Variants in NCALD observed in about 807,000 individuals in gnomAD.
NCALD encodes the protein neurocalcin-delta.
A neutral mutation model predicts 18.6 loss-of-function variants in NCALD; 10 were observed. The observed-to-expected ratio is 0.54, with a 90% CI of 0.33 to 0.91. The LOEUF is 0.91. Among genes scored for constraint, NCALD ranks in the 40% least tolerant of loss-of-function variants. The pLI, the probability that NCALD is intolerant of heterozygous loss-of-function variation, is 0.03. For synonymous variants in NCALD, 88 were observed against 87.4 expected, an observed-to-expected ratio of 1.01 and a Z score of -0.04; for missense variants, 184 against 247.6, an observed-to-expected ratio of 0.74 and a Z score of 1.72.
intron 1 of NCALD, among the ~76,000 whole-genome samples, chr8:102,114,722 A>G (rs938025275): frequency 1.3e-5 from 2 of 152,186 alleles, no homozygotes; most frequent in Non-Finnish European, 2.9e-5. Flanking sequence ...ATTTCTGGCC[A>G]AATTATACCA....
At chr8:102,084,251 A>C (rs530649446) in intron 1 of NCALD, among the ~76,000 whole-genome samples, 1 of 152,222 alleles carries the variant, frequency 6.6e-6, no homozygotes, top group African/African-American at 2.4e-5. Context: ...TTCGAATCAC[A>C]CAGCACCAAA....
chr8:101,711,531 T>C (rs1435216460), intron 2 of NCALD, among the ~76,000 whole-genome samples: 3 of 151,894 alleles, frequency 2.0e-5, no homozygotes, highest in Non-Finnish European at 2.9e-5. Flanking sequence ...GATAAAAAGT[T>C]AGAGGAGTTG....
At chr8:102,068,388 CCT>C (rs1369359617) in intron 1 of NCALD, among the ~76,000 whole-genome samples, 49 of 152,214 alleles carry the variant, frequency 3.2e-4, no homozygotes, top group African/African-American at 1.1e-3. Context: ...GCCACTCTGG[CCT>C]CTCTCCTGTT....
intron 1 of NCALD, among the ~76,000 whole-genome samples, chr8:102,067,746 T>A (rs967455967): frequency 1.3e-5 from 2 of 152,090 alleles, no homozygotes; most frequent in Non-Finnish European, 2.9e-5. Context: ...CACCTCACTA[T>A]CCTGCAGCAG....
At chr8:101,994,983 A>G (rs1231532290) in intron 2 of NCALD, among the ~76,000 whole-genome samples, 1 of 152,228 alleles carries the variant, frequency 6.6e-6, no homozygotes, top group African/African-American at 2.4e-5. Context: ...ATGGCACTTG[A>G]GCAGTGCCTA....
intron 3 of NCALD, among the ~76,000 whole-genome samples, chr8:101,907,099 A>T (rs1817635448): frequency 6.6e-6 from 1 of 152,130 alleles, no homozygotes; most frequent in Admixed American, 6.5e-5. Flanking sequence ...GATGTTTTGC[A>T]TTTGATTTTT....
chr8:101,992,568 T>C (rs1168524312), intron 2 of NCALD, among the ~76,000 whole-genome samples: 1 of 152,192 alleles, frequency 6.6e-6, no homozygotes. Flanking sequence ...ACTTACCAGC[T>C]GGCTAAACTT....
At chr8:101,755,972 T>C (rs1216494103) in intron 1 of NCALD, among the ~76,000 whole-genome samples, 1 of 152,200 alleles carries the variant, frequency 6.6e-6, no homozygotes, top group African/African-American at 2.4e-5. Context: ...GAATCATGAC[T>C]GATGTGGGGA....
At chr8:102,087,079 C>A (rs950116217) in intron 1 of NCALD, among the ~76,000 whole-genome samples, 1 of 152,172 alleles carries the variant, frequency 6.6e-6, no homozygotes, top group Non-Finnish European at 1.5e-5. Flanking sequence ...CAGCCCTCAG[C>A]GCTGCTCTGC....
chr8:101,842,774 A>G (rs1814697064), intron 4 of NCALD, among the ~76,000 whole-genome samples: 1 of 152,208 alleles, frequency 6.6e-6, no homozygotes, highest in Admixed American at 6.5e-5. Flanking sequence ...AATCTGGCAG[A>G]GCAAATATCT....
At chr8:101,879,594 C>G (rs1035921043) in intron 4 of NCALD, among the ~76,000 whole-genome samples, 3 of 152,168 alleles carry the variant, frequency 2.0e-5, no homozygotes, top group Non-Finnish European at 2.9e-5. Context: ...CAACGGCTAG[C>G]TGGGACAGCC....
At position 102,030,808 on chromosome 8, in the gene NCALD, G is replaced by A. The variant is rs555155297; in HGVS notation, c.-209-10519C>T. On this transcript the variant is annotated intron_variant, in intron 1 of 6. Transcript: ENST00000311028. ...TGAGAATCACTTGAACCCACGAGGT[G>A]GAGGTTGTAGTGAGCCACGATCACA... 2.6e-3 allele frequency among the ~76,000 whole-genome samples: 392 copies of A among 152,130 alleles called. 1 individual carries two copies. Among genetic ancestry groups the A allele is most frequent in the Non-Finnish European group, 4.7e-3 (318 of 68,006 alleles).
At position 102,097,318 on chromosome 8, in the gene NCALD, T is replaced by A. The variant is rs556634110; in HGVS notation, c.-210+26919A>T. Among the ~76,000 whole-genome samples, 117 of 152,334 alleles carry A rather than the reference T, an allele frequency of 7.7e-4. 1 individual carries two copies. Among genetic ancestry groups the A allele is most frequent in the African/African-American group, 2.6e-3 (107 of 41,574 alleles). The stretch of plus-strand genomic sequence containing the variant: ...CTAACATTCACACTGCACTTGATAG[T>A]CTGTGAGCATTTTCCACCTATTATT... On this transcript the variant is annotated intron_variant, in intron 1 of 6. Transcript: ENST00000311028.
At chr8:101,876,898 A>C (rs1011654496) in intron 4 of NCALD, among the ~76,000 whole-genome samples, 1 of 152,226 alleles carries the variant, frequency 6.6e-6, no homozygotes, top group African/African-American at 2.4e-5. Context: ...AATCAGCCTC[A>C]GCAACCGATG....
At chr8:102,059,844 T>G (rs1356105374) in intron 1 of NCALD, among the ~76,000 whole-genome samples, 1 of 152,188 alleles carries the variant, frequency 6.6e-6, no homozygotes, top group Non-Finnish European at 1.5e-5. Context: ...GGGCTGTGGT[T>G]CTCCAACTTT....
chr8:101,919,548 A>G (rs1291044714), intron 2 of NCALD, among the ~76,000 whole-genome samples: 1 of 152,176 alleles, frequency 6.6e-6, no homozygotes, highest in Admixed American at 6.5e-5. Context: ...ATTAAACTAA[A>G]GAGCTTCTGC....
At chr8:101,791,265 T>C (rs1159405097), upstream of NCALD, among the ~76,000 whole-genome samples, 1 of 152,142 alleles carries the variant, frequency 6.6e-6, no homozygotes, top group African/African-American at 2.4e-5. Context: ...TCTCTACAGT[T>C]ACTTGCAGGA....
intron 1 of NCALD, among the ~76,000 whole-genome samples, chr8:102,042,559 C>T (rs1292062770): frequency 6.6e-6 from 1 of 151,920 alleles, no homozygotes; most frequent in Non-Finnish European, 1.5e-5. Flanking sequence ...ATGTGTCCCA[C>T]AGACCAGAAG....
chr8:101,771,647 A>G (rs1811589309), intron 1 of NCALD, among the ~76,000 whole-genome samples: 1 of 152,220 alleles, frequency 6.6e-6, no homozygotes, highest in African/African-American at 2.4e-5. Flanking sequence ...AATTTTGGCA[A>G]ACCATTTTCA....
Sources: gnomAD v4.1 joint callset for allele counts (sites outside exome capture counted in the v4.1 genomes callset) on GRCh38, gnomAD v4.1.1 for gene constraint, MANE v1.5 for transcripts, NCBI Gene and HGNC (gene_info 2026-07-23, HGNC 2026-07-21) for gene names.